FAM177A1: variants seen among roughly 807,000 people sequenced by gnomAD.
FAM177A1 encodes protein FAM177A1.
A neutral mutation model predicts 26.1 loss-of-function variants in FAM177A1; 22 were observed. The ratio of observed to expected loss-of-function variants is 0.84; its 90% CI spans 0.60 to 1.20. FAM177A1 has a LOEUF of 1.20. Ranked by LOEUF, FAM177A1 falls within the 50% of genes most tolerant of loss-of-function variation. FAM177A1 has a pLI of 0.00. For missense variants in FAM177A1, 296 were observed against 291.1 expected, an observed-to-expected ratio of 1.02 and a Z score of -0.12; for synonymous variants, 95 against 99.3, an observed-to-expected ratio of 0.96 and a Z score of 0.26.
chr14:35,063,694 T>G (rs961122224), intron 2 of FAM177A1, among the ~76,000 whole-genome samples: 5 of 152,198 alleles, frequency 3.3e-5, no homozygotes, highest in African/African-American at 7.2e-5. Flanking sequence ...TAAAATTGAT[T>G]TGCTTTATGA....
At chr14:35,064,699 G>A (rs2045213644) in intron 2 of FAM177A1, among the ~76,000 whole-genome samples, 1 of 151,950 alleles carries the variant, frequency 6.6e-6, no homozygotes, top group South Asian at 2.1e-4. Context: ...TGTCCAGGCT[G>A]GAGTGCAGTG....
intron 2 of FAM177A1, among the ~76,000 whole-genome samples, chr14:35,059,535 CTTTTTTTTTTT>C (rs767772869): frequency 8.3e-6 from 1 of 120,458 alleles, no homozygotes; most frequent in Non-Finnish European, 1.8e-5. Context: ...ATTTACATTT[CTTTTTTTTTTT>C]TTTTTTTTGA....
chr14:35,060,899 A>T (rs968314413), intron 2 of FAM177A1, among the ~76,000 whole-genome samples: 7 of 152,210 alleles, frequency 4.6e-5, no homozygotes, highest in Admixed American at 6.5e-5. Flanking sequence ...ATACTGTCAC[A>T]CTTGGTACCT....
At chr14:35,069,107 A>C (rs768586008) in intron 2 of FAM177A1, among the ~76,000 whole-genome samples, 1 of 152,130 alleles carries the variant, frequency 6.6e-6, no homozygotes, top group Admixed American at 6.6e-5. Flanking sequence ...CTGGGGTACT[A>C]TTCTGTTCAT....
chr14:35,050,513 A>C (rs971396488), intron 1 of FAM177A1: 1 of 152,068 alleles, frequency 6.6e-6, no homozygotes, highest in Admixed American at 6.6e-5. Flanking sequence ...CTCATCTGAA[A>C]TACTCTAAAA....
At chr14:35,062,934 C>T (rs1595046316) in intron 2 of FAM177A1, among the ~76,000 whole-genome samples, 1 of 143,412 alleles carries the variant, frequency 7.0e-6, no homozygotes, top group African/African-American at 2.6e-5. Context: ...GAGATTGAAA[C>T]CCCATAACTT....
At chr14:35,065,762 G>A (rs967072082) in intron 2 of FAM177A1, among the ~76,000 whole-genome samples, 3 of 149,802 alleles carry the variant, frequency 2.0e-5, no homozygotes, top group African/African-American at 7.4e-5. Context: ...TACGACCTCG[G>A]CTCACTGCAA....
chr14:35,074,247 C>T (rs1217341903), intron 2 of FAM177A1, among the ~76,000 whole-genome samples: 3 of 152,130 alleles, frequency 2.0e-5, no homozygotes, highest in Non-Finnish European at 2.9e-5. Flanking sequence ...CGGGTTCAAA[C>T]GATTCTCCCG....
At position 35,046,462 on chromosome 14, in the gene FAM177A1, G is replaced by T; in HGVS notation, c.-2G>T. The T allele has an allele frequency of 6.4e-7, 1 of 1,566,838 alleles. No homozygotes were observed. Among genetic ancestry groups the T allele is most frequent in the Non-Finnish European group, 8.7e-7 (1 of 1,154,616 alleles). ...GCCAGCGACTGGGCGGGGAGACCAA[G>T]GATGGAAGTGGGCTTACCGGCCATT... On this transcript the variant is annotated 5_prime_UTR_variant, in exon 1 of 5. It adds an upstream start codon to the 5' untranslated region. Transcript: ENST00000280987.
At chr14:35,074,874 A>T (rs568745621) in intron 2 of FAM177A1, among the ~76,000 whole-genome samples, 1 of 151,834 alleles carries the variant, frequency 6.6e-6, no homozygotes, top group Non-Finnish European at 1.5e-5. Flanking sequence ...AACCTTATCT[A>T]TACTAAACAT....
At chr14:35,058,812 G>C (rs2045102569) in intron 2 of FAM177A1, among the ~76,000 whole-genome samples, 1 of 152,094 alleles carries the variant, frequency 6.6e-6, no homozygotes, top group Non-Finnish European at 1.5e-5. Flanking sequence ...GAAGTTTGAG[G>C]CTGCAGTGAA....
At chr14:35,063,439 A>G (rs1171340018) in intron 2 of FAM177A1, among the ~76,000 whole-genome samples, 1 of 150,932 alleles carries the variant, frequency 6.6e-6, no homozygotes, top group African/African-American at 2.4e-5. Context: ...TTAGCCAGGC[A>G]TGGGGGCGGG....
chr14:35,060,436 G>A (rs1487447205), intron 2 of FAM177A1, among the ~76,000 whole-genome samples: 1 of 151,568 alleles, frequency 6.6e-6, no homozygotes, highest in Non-Finnish European at 1.5e-5. Context: ...GTTAAATCCA[G>A]CATCTTGTCA....
intron 2 of FAM177A1, among the ~76,000 whole-genome samples, chr14:35,065,755 G>A (rs1487650056): frequency 1.4e-5 from 2 of 145,686 alleles, no homozygotes; most frequent in African/African-American, 2.6e-5. Flanking sequence ...GCAGTGGTAC[G>A]ACCTCGGCTC....
chr14:35,055,273 A>G (rs2045042195), intron 2 of FAM177A1, among the ~76,000 whole-genome samples: 1 of 151,718 alleles, frequency 6.6e-6, no homozygotes, highest in East Asian at 1.9e-4. Flanking sequence ...ATTGTACTCC[A>G]GCCTGGTCAA....
chr14:35,053,583 G>A (rs1482950538), intron 2 of FAM177A1, 132 bp downstream of exon 2: 1 of 776,618 alleles, frequency 1.3e-6, no homozygotes, highest in South Asian at 1.6e-5. Context: ...TATGTATGGT[G>A]ATTTTGATAG....
chr14:35,056,318 A>C (rs1357145796), intron 2 of FAM177A1, among the ~76,000 whole-genome samples: 1 of 152,104 alleles, frequency 6.6e-6, no homozygotes, highest in East Asian at 1.9e-4. Context: ...TACAGGCGTG[A>C]GCCACTGCGC....
chr14:35,076,115 T>G (rs2045391360), intron 2 of FAM177A1, among the ~76,000 whole-genome samples: 1 of 152,128 alleles, frequency 6.6e-6, no homozygotes, highest in Non-Finnish European at 1.5e-5. Context: ...GGATTATAAA[T>G]CATGTTGCTA....
rs1474436711 is a variant in FAM177A1, at chr14:35,081,639, T to G, written c.*411T>G. The G allele has an allele frequency of 6.5e-6, 1 of 154,574 alleles. No individual in the cohort carries two copies. Among genetic ancestry groups the G allele is most frequent in the African/African-American group, 2.4e-5 (1 of 41,486 alleles). The allele number at this position is 154,574 out of a possible 1,614,324, so 9.6% of individuals were successfully genotyped here. On this transcript the variant is annotated 3_prime_UTR_variant, in exon 5 of 5. Transcript: ENST00000280987. ...AATGAGGATATTTTCTCCTAGATTT[T>G]CTCATGTTATGCCATGCATTTATAT...
Sources: gnomAD v4.1 joint callset for allele counts (sites outside exome capture counted in the v4.1 genomes callset) on GRCh38, gnomAD v4.1.1 for gene constraint, MANE v1.5 for transcripts, NCBI Gene and HGNC (gene_info 2026-07-23, HGNC 2026-07-21) for gene names.